The following OSBPL10 variants were observed in gnomAD, a reference collection of about 807,000 sequenced individuals.
The protein encoded by OSBPL10 is oxysterol binding protein like 10.
OSBPL10 carries 49 observed loss-of-function variants against 81.7 expected under a neutral mutation model. That is an observed-to-expected ratio of 0.60 (90% CI 0.48 to 0.76). OSBPL10 has a LOEUF of 0.76. OSBPL10 is among the 30% of genes least tolerant of loss of function. The pLI, the probability that OSBPL10 is intolerant of heterozygous loss-of-function variation, is 0.00. For synonymous variants in OSBPL10, 419 were observed against 383.6 expected, an observed-to-expected ratio of 1.09 and a Z score of -1.08; for missense variants, 923 against 987.8, an observed-to-expected ratio of 0.93 and a Z score of 0.88.
intron 4 of OSBPL10, among the ~76,000 whole-genome samples, chr3:31,829,508 T>A (rs1443884580): frequency 6.6e-6 from 1 of 152,138 alleles, no homozygotes; most frequent in African/African-American, 2.4e-5. Flanking sequence ...GTGTAGAAAC[T>A]GAGGTTCGGG....
At chr3:31,893,522 C>A (rs557613330) in intron 1 of OSBPL10, among the ~76,000 whole-genome samples, 1 of 152,312 alleles carries the variant, frequency 6.6e-6, no homozygotes, top group East Asian at 1.9e-4. Context: ...ATCAGTTTCA[C>A]TCCTAAGAAT....
chr3:31,719,616 G>C (rs1696571918), intron 6 of OSBPL10, among the ~76,000 whole-genome samples: 1 of 152,166 alleles, frequency 6.6e-6, no homozygotes, highest in African/African-American at 2.4e-5. Flanking sequence ...ACAATGCTGA[G>C]AAAGTATACA....
chr3:32,028,927 G>GACACAAACAC (rs1699441110), intron 2 of OSBPL10, among the ~76,000 whole-genome samples: 1 of 105,634 alleles, frequency 9.5e-6, no homozygotes, highest in African/African-American at 3.7e-5. Flanking sequence ...AGCTAGTCAG[G>GACACAAACAC]ACACACACAC....
At chr3:31,780,025 G>C (rs190999085) in intron 4 of OSBPL10, among the ~76,000 whole-genome samples, 1 of 152,296 alleles carries the variant, frequency 6.6e-6, no homozygotes, top group Non-Finnish European at 1.5e-5. Context: ...AGGTGTGGTG[G>C]CTCACGCCTG....
chr3:31,826,779 C>G (rs1338842730), intron 4 of OSBPL10, among the ~76,000 whole-genome samples: 1 of 152,186 alleles, frequency 6.6e-6, no homozygotes, highest in East Asian at 1.9e-4. Context: ...GCTCGGATAG[C>G]TCCCAAGGTG....
intron 4 of OSBPL10, among the ~76,000 whole-genome samples, chr3:31,807,709 G>C (rs769601782): frequency 6.6e-6 from 1 of 152,122 alleles, no homozygotes; most frequent in Non-Finnish European, 1.5e-5. Context: ...CGGCACTCCA[G>C]TCTGGATGAC....
intron 1 of OSBPL10, among the ~76,000 whole-genome samples, chr3:31,975,313 C>T (rs1032243417): frequency 3.3e-5 from 5 of 152,116 alleles, no homozygotes; most frequent in East Asian, 1.9e-4. Flanking sequence ...TATGTACACG[C>T]GGACAAGAAT....
intron 11 of OSBPL10, chr3:31,663,488 G>A (rs1329319666): frequency 9.1e-6 from 9 of 992,356 alleles, no homozygotes; most frequent in Non-Finnish European, 9.6e-6. Context: ...GGCTTCAGCT[G>A]GGCACACAGT....
At chr3:31,783,789 TAAAAAAAAAAAAAAAAAAAAAAAA>T (rs869137696) in intron 4 of OSBPL10, among the ~76,000 whole-genome samples, 12 of 19,960 alleles carry the variant, frequency 6.0e-4, no homozygotes, top group African/African-American at 1.7e-3. Context: ...AGACTCCGAT[TAAAAAAAAAAAAAAAAAAAAAAAA>T]AAAAAAAAAA....
chr3:32,069,539 C>T (rs1366211389), intron 1 of OSBPL10, among the ~76,000 whole-genome samples: 3 of 152,178 alleles, frequency 2.0e-5, no homozygotes, highest in Non-Finnish European at 4.4e-5. Flanking sequence ...TTAACAGCAA[C>T]CCTTAGACGC....
chr3:31,992,928 A>G (rs1267661515), intron 2 of OSBPL10, among the ~76,000 whole-genome samples: 1 of 152,172 alleles, frequency 6.6e-6, no homozygotes, highest in African/African-American at 2.4e-5. Flanking sequence ...ACTTGAACAC[A>G]GAAGTTCAAA....
At chr3:31,857,289 C>G (rs1311744059) in intron 3 of OSBPL10, among the ~76,000 whole-genome samples, 1 of 152,118 alleles carries the variant, frequency 6.6e-6, no homozygotes, top group Non-Finnish European at 1.5e-5. Context: ...AGCAGCTCCC[C>G]TCAAAGAGCA....
intron 1 of OSBPL10, among the ~76,000 whole-genome samples, chr3:31,944,833 TAAAAAAAAAAAAAAAAAAA>T (rs869140991): frequency 0.012 from 634 of 55,120 alleles, 22 homozygotes; most frequent in South Asian, 0.069. Context: ...CCCCTCTCTT[TAAAAAAAAAAAAAAAAAAA>T]AAAAAAAAAA....
chr3:31,837,818 G>T (rs1420518903), intron 3 of OSBPL10, among the ~76,000 whole-genome samples: 1 of 151,754 alleles, frequency 6.6e-6, no homozygotes, highest in Non-Finnish European at 1.5e-5. Context: ...ACCCAATAGG[G>T]AGTATATGAG....
In OSBPL10 at chr3:31,989,901, A is replaced by G. The variant is rs761614978; in HGVS notation, n.298+56590T>C. The G allele has an allele frequency of 4.3e-6, 7 of 1,614,106 alleles. No individual in the cohort carries two copies. The African/African-American group carries it at 8.0e-5, about 18-fold the overall frequency. On this transcript the variant is annotated intron_variant and non_coding_transcript_variant, in intron 2 of 3. Coordinates refer to the OSBPL10 transcript ENST00000479173. ...TCTTTAATCAGAAGCGATACCTTGC[A>G]TGCCATCATAGATGTCACACTGGTG...
In OSBPL10 at chr3:31,772,076, T is replaced by G. The variant is rs77219787; in HGVS notation, c.730-23956A>C. 1.9e-3 allele frequency among the ~76,000 whole-genome samples: 289 copies of G among 152,312 alleles called. 1 individual carries two copies. Among genetic ancestry groups the G allele is most frequent in the African/African-American group, 6.3e-3 (261 of 41,560 alleles). On this transcript the variant is annotated intron_variant, in intron 4 of 11. Transcript: ENST00000396556. ...CAAATCAGTTACAGCTGATTCTCAT[T>G]ATGCACAGTAGTTATGTTCTATTAA...
At chr3:32,038,194 C>T (rs1699537836) in intron 2 of OSBPL10, among the ~76,000 whole-genome samples, 1 of 152,154 alleles carries the variant, frequency 6.6e-6, no homozygotes, top group Non-Finnish European at 1.5e-5. Context: ...GTATTACCTG[C>T]TGCATACAAT....
At chr3:31,733,145 T>A (rs995387248) in intron 6 of OSBPL10, 112 bp downstream of exon 6, 1 of 1,447,156 alleles carries the variant, frequency 6.9e-7, no homozygotes, top group Non-Finnish European at 9.4e-7. Context: ...TTCCATTTTT[T>A]AATTTGTCTC....
chr3:31,876,287 T>G, intron 3 of OSBPL10, 146 bp downstream of exon 3: 1 of 662,068 alleles, frequency 1.5e-6, no homozygotes, highest in African/African-American at 1.8e-5. Context: ...GCTTTAAATT[T>G]ATGTGCAGCA....
Sources: allele counts gnomAD v4.1 joint callset (sites outside exome capture counted in the v4.1 genomes callset), GRCh38; gene constraint gnomAD v4.1.1; transcripts MANE v1.5; gene names NCBI Gene and HGNC (gene_info 2026-07-23, HGNC 2026-07-21).